Variants in PTN observed in about 807,000 individuals in gnomAD.
PTN encodes the protein pleiotrophin, also known as heparin affin regulatory protein.
In PTN, 18 loss-of-function variants were observed where a neutral mutation model predicts 24.1. The ratio of observed to expected loss-of-function variants is 0.75; its 90% CI spans 0.52 to 1.11. The LOEUF (loss-of-function observed/expected upper bound fraction) is 1.11, where lower values mean the gene tolerates loss of function less well. Among genes scored for constraint, PTN ranks in the 50% least tolerant of loss-of-function variants. The probability of loss-of-function intolerance (pLI) is 0.00; values close to 1 mark genes in which losing one functional copy is unlikely to be tolerated. For missense variants in PTN, 163 were observed against 198.8 expected (o/e 0.82, Z 1.08); for synonymous variants, 78 against 68.6 (o/e 1.14, Z -0.67).
intron 1 of PTN, among the ~76,000 whole-genome samples, chr7:137,266,791 G>A (rs2923724): frequency 6.9e-6 from 1 of 144,984 alleles, no homozygotes; most frequent in African/African-American, 2.5e-5. Flanking sequence ...AACCTTGTAA[G>A]TTTGGGATTT....
At chr7:137,335,049 G>A (rs1470415104) in intron 1 of PTN, among the ~76,000 whole-genome samples, 9 of 116,280 alleles carry the variant, frequency 7.7e-5, no homozygotes, top group Non-Finnish European at 1.2e-4. Context: ...GTTGTGGGGT[G>A]GGGGGAGGGG....
chr7:137,244,374 ATTTT>A (rs1242182641), intron 4 of PTN, among the ~76,000 whole-genome samples: 20 of 131,150 alleles, frequency 1.5e-4, no homozygotes, highest in Middle Eastern at 4.3e-3. Context: ...TCTCCTCAGA[ATTTT>A]TTTTTTTTTT....
At chr7:137,261,005 TCTTTC>T (rs768541879) in intron 1 of PTN, among the ~76,000 whole-genome samples, 42 of 152,194 alleles carry the variant, frequency 2.8e-4, no homozygotes, top group Admixed American at 1.0e-3. Flanking sequence ...AATGCTTGAT[TCTTTC>T]CTTTTATTTA....
At chr7:137,234,874 G>A (rs1366809927) in intron 4 of PTN, among the ~76,000 whole-genome samples, 1 of 152,020 alleles carries the variant, frequency 6.6e-6, no homozygotes, top group Non-Finnish European at 1.5e-5. Flanking sequence ...AGTGACTCAG[G>A]CCCTGTTCGC....
intron 4 of PTN, among the ~76,000 whole-genome samples, chr7:137,240,410 C>T (rs931651740): frequency 6.6e-6 from 1 of 152,180 alleles, no homozygotes; most frequent in Non-Finnish European, 1.5e-5. Flanking sequence ...ATGTGGTACA[C>T]TGGAATTTAT....
At chr7:137,311,593 C>T (rs1306237083) in intron 1 of PTN, among the ~76,000 whole-genome samples, 1 of 152,120 alleles carries the variant, frequency 6.6e-6, no homozygotes, top group Non-Finnish European at 1.5e-5. Flanking sequence ...GGCCATTGTC[C>T]CATCATTGGG....
intron 1 of PTN, chr7:137,326,537 T>C (rs1157345317): frequency 6.6e-6 from 1 of 152,218 alleles, no homozygotes; most frequent in Non-Finnish European, 1.5e-5. Context: ...TGTTATTGTA[T>C]GAAGTATTGG....
At chr7:137,278,090 G>A (rs555789927) in intron 1 of PTN, among the ~76,000 whole-genome samples, 29 of 150,932 alleles carry the variant, frequency 1.9e-4, no homozygotes, top group Non-Finnish European at 1.3e-4. Flanking sequence ...GGTGGATCAC[G>A]AGGTCAGGAG....
At chr7:137,342,007 C>T (rs989297707) in intron 1 of PTN, among the ~76,000 whole-genome samples, 3 of 152,092 alleles carry the variant, frequency 2.0e-5, no homozygotes, top group African/African-American at 7.2e-5. Flanking sequence ...TTTTAAACGA[C>T]TTGGCCTTTA....
chr7:137,341,454 T>TA (rs1400171465), intron 1 of PTN, among the ~76,000 whole-genome samples: 6 of 152,148 alleles, frequency 3.9e-5, no homozygotes, highest in Admixed American at 6.5e-5. Flanking sequence ...GAAAGGGGTC[T>TA]AAAAAAACAG....
At chr7:137,286,778 T>C (rs189390883) in intron 1 of PTN, among the ~76,000 whole-genome samples, 2 of 152,272 alleles carry the variant, frequency 1.3e-5, no homozygotes, top group East Asian at 3.9e-4. Context: ...AGTTACCATA[T>C]ATATGGTACT....
intron 4 of PTN, among the ~76,000 whole-genome samples, chr7:137,248,923 C>G (rs322298): frequency 1.3e-5 from 2 of 151,684 alleles, no homozygotes; most frequent in Non-Finnish European, 2.9e-5. Context: ...AATTTATTTA[C>G]GTATGAATAT....
chr7:137,297,537 T>C (rs1463770022), intron 1 of PTN, among the ~76,000 whole-genome samples: 2 of 152,038 alleles, frequency 1.3e-5, no homozygotes, highest in Non-Finnish European at 2.9e-5. Context: ...TTTACCACCT[T>C]TGGATCTGAG....
At chr7:137,229,419 T>C (rs1445868706) in intron 4 of PTN, among the ~76,000 whole-genome samples, 1 of 151,722 alleles carries the variant, frequency 6.6e-6, no homozygotes, top group East Asian at 1.9e-4. Context: ...ACAGAAGATA[T>C]GATATGATGC....
At chr7:137,231,250 A>G (rs1265146359) in intron 4 of PTN, among the ~76,000 whole-genome samples, 1 of 151,484 alleles carries the variant, frequency 6.6e-6, no homozygotes, top group Non-Finnish European at 1.5e-5. Flanking sequence ...TGGTGATAAT[A>G]TGTCTCACCC....
At position 137,243,713 on chromosome 7, in the gene PTN, G is replaced by A. The variant is rs180942975; in HGVS notation, c.451+7517C>T. 2.7e-3 allele frequency among the ~76,000 whole-genome samples: 405 copies of A among 152,264 alleles called. 2 individuals are homozygous for A. Among genetic ancestry groups the A allele is most frequent in the African/African-American group, 9.2e-3 (384 of 41,558 alleles). On this transcript the variant is annotated intron_variant, in intron 4 of 4. Coordinates refer to ENST00000348225, the MANE Select transcript of PTN (RefSeq NM_002825.7). ...TAGACGTGACCAACTAGAAGCAGGG[G>A]CCAAATGTGGGGAGATTGGATAGTC...
At chr7:137,314,671 G>A (rs992521681) in intron 1 of PTN, among the ~76,000 whole-genome samples, 2 of 140,240 alleles carry the variant, frequency 1.4e-5, no homozygotes, top group African/African-American at 5.3e-5. Flanking sequence ...CTCGACTCAC[G>A]GCAACCTCCG....
chr7:137,250,650 G>C (rs975167617), intron 4 of PTN, among the ~76,000 whole-genome samples: 2 of 152,192 alleles, frequency 1.3e-5, no homozygotes, highest in Non-Finnish European at 2.9e-5. Flanking sequence ...TCTCCAGCAA[G>C]AGAGCAGAGC....
intron 4 of PTN, among the ~76,000 whole-genome samples, chr7:137,240,298 T>C (rs549201676): frequency 4.6e-5 from 7 of 152,300 alleles, no homozygotes; most frequent in Non-Finnish European, 1.0e-4. Flanking sequence ...ACATACTGTG[T>C]GCTCCATTGC....
Sources: gnomAD v4.1 joint callset for allele counts (sites outside exome capture counted in the v4.1 genomes callset) on GRCh38, gnomAD v4.1.1 for gene constraint, MANE v1.5 for transcripts, NCBI Gene and HGNC (gene_info 2026-07-23, HGNC 2026-07-21) for gene names.